The following ALS2CL variants were observed in gnomAD, a reference collection of about 807,000 sequenced individuals.
ALS2CL encodes ALS2 C-terminal like.
A neutral mutation model predicts 127.9 loss-of-function variants in ALS2CL; 112 were observed. That is an observed-to-expected ratio of 0.88 (90% CI 0.75 to 1.02). The LOEUF is 1.02. Among genes scored for constraint, ALS2CL ranks in the 50% least tolerant of loss-of-function variants. ALS2CL has a pLI of 0.00. For synonymous variants in ALS2CL, 519 were observed against 527.6 expected, an observed-to-expected ratio of 0.98 and a Z score of 0.22; for missense variants, 1,174 against 1,236.7, an observed-to-expected ratio of 0.95 and a Z score of 0.76.
intron 20 of ALS2CL, 50 bp downstream of exon 20, chr3:46,675,568 A>C: frequency 2.5e-6 from 4 of 1,575,478 alleles, no homozygotes; most frequent in Non-Finnish European, 3.5e-6. Flanking sequence ...GAGCAGACGC[A>C]TGAGGCCTCC....
In ALS2CL at chr3:46,681,300, C is replaced by T. The variant is rs769893213; in HGVS notation, c.1382G>A (p.Gly461Asp). 1 of 1,613,976 alleles carries T rather than the reference C, an allele frequency of 6.2e-7. No individual in the cohort carries two copies. The highest frequency in any genetic ancestry group is 8.5e-7 in the Non-Finnish European group (1 of 1,179,948). ...PQAPQPFRYT[G>D]HWERGQRSGY... is the part of the protein sequence containing the mutation. ...GCTCCTCTGGCCCCTCTCCCAGTGG[C>T]CCGTGTACCTGAAGGGCTGGGGGGC... Residue 461 changes from glycine (G) to aspartate (D), a missense_variant, in exon 13 of 26, where the codon GGC becomes GAC. Transcript: ENST00000318962. This position sits in a 1 kb window ranked among gnomAD's most constrained non-coding sequence, Gnocchi z 4.9.
chr3:46,683,750 G>A (rs199554209), intron 9 of ALS2CL, 32 bp downstream of exon 9: 274 of 1,610,922 alleles, frequency 1.7e-4, no homozygotes, highest in Admixed American at 2.7e-4. Flanking sequence ...CTCTGACCCC[G>A]CTCCCGCAGT....
intron 1 of ALS2CL, among the ~76,000 whole-genome samples, chr3:46,692,334 T>A (rs938227316): frequency 5.3e-5 from 8 of 151,828 alleles, no homozygotes; most frequent in Middle Eastern, 3.2e-3. Flanking sequence ...ATGAGGAGGA[T>A]CCTGCAGGAG....
In ALS2CL at chr3:46,681,554, T is replaced by C. The variant is rs1038549202; in HGVS notation, c.1220A>G (p.Asp407Gly). 5.0e-6 allele frequency: 8 copies of C among 1,614,086 alleles called. No homozygotes were observed. The highest frequency in any genetic ancestry group is 6.8e-6 in the Non-Finnish European group (8 of 1,179,992). ...TTCTCGCCAGTGACACTTGTAACAG[T>C]CGAACTTGTCCTCAGAGGCCTGGGG... ...LLPQASEDKF[D>G]CYKCHWREGS... is the part of the protein sequence containing the mutation. The change falls in exon 12 of 26, where the codon GAC becomes GGC. Residue 407 changes from aspartate (D) to glycine (G), a missense_variant. Physicochemically the swap from Asp to Gly is moderately conservative, Grantham distance 94 (BLOSUM62 -1). Transcript: ENST00000318962. The surrounding 1 kb of genome is among the most constrained non-coding windows in gnomAD (Gnocchi z 4.9).
At chr3:46,674,463 T>C (rs1698648793) in intron 21 of ALS2CL, 103 bp downstream of exon 21, 2 of 1,414,274 alleles carry the variant, frequency 1.4e-6, no homozygotes, top group African/African-American at 2.9e-5. Context: ...TAGAACTTGG[T>C]GGGTACATGA....
Position 46,686,909 on chromosome 3 carries a change from C to T in ALS2CL, c.534+74G>A. On this transcript the variant is annotated intron_variant, in intron 5 of 25. Coordinates refer to ENST00000318962, the MANE Select transcript of ALS2CL (RefSeq NM_147129.5). The surrounding 1 kb of genome is among the most constrained non-coding windows in gnomAD (Gnocchi z 4.3). ...TTGTACTAGGGTTCCTGAGTATAGG[C>T]TGAGCCCCCTGAGTCTGGGCCCTAT... The T allele has an allele frequency of 7.0e-7, 1 of 1,434,584 alleles. No individual in the cohort carries two copies. The highest frequency in any genetic ancestry group is 9.2e-7 in the Non-Finnish European group (1 of 1,089,774). The allele number at this position is 1,434,584 out of a possible 1,614,324, so 88.9% of individuals were successfully genotyped here.
intron 19 of ALS2CL, 32 bp from the exon 20 acceptor site, chr3:46,675,718 T>C: frequency 1.2e-6 from 2 of 1,612,292 alleles, no homozygotes; most frequent in Non-Finnish European, 1.7e-6. Context: ...ATGGTGTGGC[T>C]GCCCCTTGCC....
intron 7 of ALS2CL, 65 bp downstream of exon 7, chr3:46,685,460 C>T: frequency 6.3e-7 from 1 of 1,587,968 alleles, no homozygotes; most frequent in Non-Finnish European, 8.6e-7. Flanking sequence ...CTTTACTGCT[C>T]CTTTTCCAGC....
At chr3:46,690,827 C>T (rs1347275508) in intron 1 of ALS2CL, among the ~76,000 whole-genome samples, 1 of 152,202 alleles carries the variant, frequency 6.6e-6, no homozygotes, top group Non-Finnish European at 1.5e-5. Flanking sequence ...CTCCCCTCTC[C>T]ACCCTGCCCC....
intron 1 of ALS2CL, among the ~76,000 whole-genome samples, chr3:46,690,137 A>G (rs1392221179): frequency 1.3e-5 from 2 of 152,262 alleles, no homozygotes; most frequent in African/African-American, 2.4e-5. Flanking sequence ...AGCACCCCAA[A>G]GGACCACAGC....
In ALS2CL at chr3:46,687,649, T is replaced by C. The variant is rs1319450646; in HGVS notation, c.338A>G (p.Gln113Arg). 1 of 1,613,268 alleles carries C rather than the reference T, an allele frequency of 6.2e-7. No individual in the cohort carries two copies. Among genetic ancestry groups the C allele is most frequent in the Non-Finnish European group, 8.5e-7 (1 of 1,179,714 alleles). ...IESYTSCMVV[Q>R]AFQKAAKRRS... ...CCTCTTTGCTGCCTTCTGGAAGGCC[T>C]GCACCACCATGCAGCTTGTGTAGGA... Residue 113 changes from glutamine to arginine, a missense_variant, in exon 4 of 26, where the codon CAG (glutamine) becomes CGG (arginine). By Grantham distance (43) the Gln-to-Arg change is conservative (BLOSUM62 1). Transcript: ENST00000318962.
At chr3:46,674,253 G>T (rs1164095430) in intron 21 of ALS2CL, among the ~76,000 whole-genome samples, 1 of 152,220 alleles carries the variant, frequency 6.6e-6, no homozygotes, top group East Asian at 1.9e-4. Context: ...CAGGGGCTCT[G>T]AGGGAGCTGT....
rs1449382760 is a variant in ALS2CL, at chr3:46,670,448, GT to G, written c.*535del. 2.7e-5 allele frequency: 4 copies of G among 149,558 alleles called. No homozygotes were observed. Among genetic ancestry groups the G allele is most frequent in the Non-Finnish European group, 5.9e-5 (4 of 67,546 alleles). The allele number at this position is 149,558 out of a possible 1,614,324, so 9.3% of individuals were successfully genotyped here. On this transcript the variant is annotated 3_prime_UTR_variant, in exon 26 of 26. Transcript: ENST00000318962. The surrounding 1 kb of genome is among the most constrained non-coding windows in gnomAD (Gnocchi z 5.5). The stretch of plus-strand genomic sequence containing the variant: ...CGCCCCAGCTTGCTCCAGTGCCGCC[GT>G]TTACGTCATGGGTACGTGGCCTGCA...
In ALS2CL at chr3:46,686,386, C is replaced by T; in HGVS notation, c.588G>A (p.Leu196=). The part of the protein sequence containing the change: ...VVNAVTLFGN[L]QSFMKQELDQ... ...CCAACTCCTGCTTCATGAAGGACTG[C>T]AGGTTCCCAAAGAGGGTGACTGCGT... is the stretch of plus-strand genomic sequence containing the variant. The change falls in exon 6 of 26, where the codon CTG becomes CTA. Residue 196 remains leucine, a synonymous_variant. Transcript: ENST00000318962. This position sits in a 1 kb window ranked among gnomAD's most constrained non-coding sequence, Gnocchi z 4.3. 6.2e-7 allele frequency: 1 copy of T among 1,613,778 alleles called. No homozygotes were observed.
chr3:46,688,334 G>T (rs761164809), intron 2 of ALS2CL, 38 bp from the exon 3 acceptor site: 1 of 1,588,580 alleles, frequency 6.3e-7, no homozygotes, highest in African/African-American at 1.3e-5. Flanking sequence ...AGTAGAGGAC[G>T]TGGGCTCCAT....
chr3:46,680,029 A>G (rs10451990), intron 14 of ALS2CL: 125,102 of 196,530 alleles, frequency 0.64, 40,264 homozygotes, highest in Admixed American at 0.73. Context: ...GGGACACACT[A>G]GGGATAATAA....
At chr3:46,672,769 C>T (rs1056620382) in intron 22 of ALS2CL, among the ~76,000 whole-genome samples, 4 of 152,156 alleles carry the variant, frequency 2.6e-5, no homozygotes, top group African/African-American at 9.7e-5. Context: ...CGAAGGCAAG[C>T]AGATCACCTG....
chr3:46,687,781 C>G (rs1327473623), intron 3 of ALS2CL, 97 bp from the exon 4 acceptor site: 20 of 1,326,134 alleles, frequency 1.5e-5, no homozygotes, highest in African/African-American at 2.9e-5. Context: ...CACTAGTCAG[C>G]TGCAGCCCTG....
chr3:46,684,205 C>T (rs1459796874), intron 7 of ALS2CL, among the ~76,000 whole-genome samples, 158 bp from the exon 8 acceptor site: 1 of 152,180 alleles, frequency 6.6e-6, no homozygotes, highest in African/African-American at 2.4e-5. Context: ...GCTTGCTCCC[C>T]ACCTCAGGGA....
Sources: allele counts gnomAD v4.1 joint callset (sites outside exome capture counted in the v4.1 genomes callset), GRCh38; gene constraint gnomAD v4.1.1; non-coding constraint Gnocchi (gnomAD v3.1); transcripts MANE v1.5; gene names NCBI Gene and HGNC (gene_info 2026-07-23, HGNC 2026-07-21).